The following ARHGAP26 variants were observed in gnomAD, a reference collection of about 807,000 sequenced individuals.
The protein encoded by ARHGAP26 is rho GTPase-activating protein 26.
In ARHGAP26, 38 loss-of-function variants were observed where a neutral mutation model predicts 104.8. That is an observed-to-expected ratio of 0.36 (90% CI 0.28 to 0.48). The LOEUF is 0.48. Ranked by LOEUF, ARHGAP26 falls within the 20% of genes least tolerant of loss-of-function variation. The pLI, the probability that ARHGAP26 is intolerant of heterozygous loss-of-function variation, is 0.99. For synonymous variants in ARHGAP26, 341 were observed against 340.0 expected (o/e 1.00, Z -0.03); for missense variants, 704 against 947.9 (o/e 0.74, Z 3.38).
At chr5:143,207,999 G>A (rs186026656) in intron 21 of ARHGAP26, among the ~76,000 whole-genome samples, 3 of 152,106 alleles carry the variant, frequency 2.0e-5, no homozygotes, top group Non-Finnish European at 2.9e-5. Flanking sequence ...ATATACTCCC[G>A]AAACCATCCA....
At chr5:142,888,531 A>AG (rs1248657377) in intron 5 of ARHGAP26, among the ~76,000 whole-genome samples, 1 of 152,216 alleles carries the variant, frequency 6.6e-6, no homozygotes, top group East Asian at 1.9e-4. Flanking sequence ...AACATTGTTG[A>AG]GCACGTGGTA....
intron 17 of ARHGAP26, among the ~76,000 whole-genome samples, chr5:143,090,075 C>T (rs1791184972): frequency 6.6e-6 from 1 of 152,274 alleles, no homozygotes; most frequent in African/African-American, 2.4e-5. Flanking sequence ...CCTTTCAGGT[C>T]TCCAAGGAAC....
chr5:143,155,868 G>T (rs141719534), intron 20 of ARHGAP26, among the ~76,000 whole-genome samples: 3 of 152,296 alleles, frequency 2.0e-5, no homozygotes, highest in Non-Finnish European at 4.4e-5. Flanking sequence ...GACATACACA[G>T]TACATGCTTA....
chr5:142,906,580 C>A (rs1002476013), intron 8 of ARHGAP26, among the ~76,000 whole-genome samples: 1 of 152,164 alleles, frequency 6.6e-6, no homozygotes, highest in African/African-American at 2.4e-5. Flanking sequence ...TTATGGGTTC[C>A]TCTTTTGTTC....
Position 143,142,134 on chromosome 5 carries a change from C to CTTTTTTTTTTTTTT in ARHGAP26, c.1838-5088_1838-5075dup, listed in dbSNP as rs762332039. ...AACAACAGATTGACTCTACTTTTCA[C>CTTTTTTTTTTTTTT]TTTTTTTTTTTTTTTTTTTTTTGAG... On this transcript the variant is annotated intron_variant, in intron 19 of 22. Coordinates refer to ENST00000645722, the MANE Select transcript of ARHGAP26 (RefSeq NM_001135608.3). Among the ~76,000 whole-genome samples the CTTTTTTTTTTTTTT allele has an allele frequency of 2.8e-5, 3 of 105,348 alleles. 1 individual carries two copies. The allele number at this position is 105,348 out of a possible 152,430, so 69.1% of individuals were successfully genotyped here.
intron 20 of ARHGAP26, chr5:143,165,570 A>C (rs1801820620): frequency 1.3e-5 from 2 of 152,246 alleles, no homozygotes; most frequent in African/African-American, 2.4e-5. Context: ...TTCCTTTTTA[A>C]AATTTATTTT....
chr5:142,970,401 G>A (rs1772086548), intron 11 of ARHGAP26, among the ~76,000 whole-genome samples: 1 of 152,184 alleles, frequency 6.6e-6, no homozygotes, highest in Non-Finnish European at 1.5e-5. Flanking sequence ...TCCAGAAGTA[G>A]CCTTTGACTC....
rs535440572 is a variant in ARHGAP26, at chr5:142,827,159, C to T, written c.155-46241C>T. ...CCCTATTTTTTTTCTAATGAAAAGC[C>T]GGAAGTTGCTTGGTGAGACCTGAGG... On this transcript the variant is annotated intron_variant, in intron 1 of 22. Coordinates refer to ENST00000645722, the MANE Select transcript of ARHGAP26 (RefSeq NM_001135608.3). Among the ~76,000 whole-genome samples, 16 of 151,714 alleles carry T rather than the reference C, an allele frequency of 1.1e-4. No homozygotes were observed. In the East Asian group the frequency reaches 2.1e-3, roughly 20 times the overall value.
chr5:143,008,630 A>G (rs11167797), intron 11 of ARHGAP26, among the ~76,000 whole-genome samples: 87,137 of 152,096 alleles, frequency 0.57, 28,640 homozygotes, highest in Non-Finnish European at 0.75. Flanking sequence ...TTCCTTATGA[A>G]CCTATTTCCC....
At chr5:142,877,504 G>A (rs1173274684) in intron 3 of ARHGAP26, among the ~76,000 whole-genome samples, 1 of 152,092 alleles carries the variant, frequency 6.6e-6, no homozygotes, top group Non-Finnish European at 1.5e-5. Context: ...TTACACAGTC[G>A]TAGAATCTTA....
At chr5:142,822,086 A>G (rs1766306408) in intron 1 of ARHGAP26, among the ~76,000 whole-genome samples, 1 of 152,236 alleles carries the variant, frequency 6.6e-6, no homozygotes. Context: ...AAATGATTGC[A>G]CTGGCTTCTC....
intron 11 of ARHGAP26, among the ~76,000 whole-genome samples, chr5:142,968,185 A>G (rs895708576): frequency 6.6e-6 from 1 of 152,088 alleles, no homozygotes; most frequent in Non-Finnish European, 1.5e-5. Flanking sequence ...TATTTCCCTC[A>G]GTTTACAGTT....
chr5:143,218,031 G>A (rs1810595126), intron 22 of ARHGAP26, among the ~76,000 whole-genome samples: 1 of 152,120 alleles, frequency 6.6e-6, no homozygotes, highest in South Asian at 2.1e-4. Context: ...CTCAAGTAAG[G>A]TCAGCAAACT....
At chr5:143,111,247 G>A (rs1794740438) in intron 17 of ARHGAP26, among the ~76,000 whole-genome samples, 1 of 152,226 alleles carries the variant, frequency 6.6e-6, no homozygotes, top group Non-Finnish European at 1.5e-5. Context: ...GTTAGGCCAT[G>A]TAGAAAAGAA....
intron 11 of ARHGAP26, among the ~76,000 whole-genome samples, chr5:142,956,242 T>A (rs1769209758): frequency 6.6e-6 from 1 of 152,096 alleles, no homozygotes; most frequent in Non-Finnish European, 1.5e-5. Context: ...TTTTAGGACA[T>A]CTTGTCTGTG....
At chr5:143,020,954 T>C (rs1174655200) in intron 12 of ARHGAP26, among the ~76,000 whole-genome samples, 2 of 152,190 alleles carry the variant, frequency 1.3e-5, no homozygotes, top group African/African-American at 4.8e-5. Flanking sequence ...CTAGTGCTTT[T>C]ATAAGAATCC....
rs143937347 is a variant in ARHGAP26, at chr5:143,207,732, A to G, written c.2099+424A>G. ...TGGTTTTGATGGCTCTCTCAATTTC[A>G]TGTGCTCTCTGCACTTTGGTGTAAG... is the stretch of plus-strand genomic sequence containing the variant. On this transcript the variant is annotated intron_variant, in intron 21 of 22. Coordinates refer to ENST00000645722, the MANE Select transcript of ARHGAP26 (RefSeq NM_001135608.3). Among the ~76,000 whole-genome samples, 998 of 152,296 alleles carry G rather than the reference A, an allele frequency of 6.6e-3. 10 individuals carry two copies. The highest frequency in any genetic ancestry group is 0.023 in the African/African-American group (971 of 41,564).
intron 11 of ARHGAP26, among the ~76,000 whole-genome samples, chr5:142,969,782 A>C (rs921936554): frequency 7.9e-5 from 12 of 152,108 alleles, no homozygotes; most frequent in African/African-American, 2.7e-4. Context: ...CGGCCCCTGA[A>C]GATGAGGAGT....
chr5:143,130,954 A>C (rs1312431660), intron 18 of ARHGAP26, among the ~76,000 whole-genome samples: 1 of 152,246 alleles, frequency 6.6e-6, no homozygotes, highest in African/African-American at 2.4e-5. Context: ...CTTGCACATT[A>C]TCTCATTTGA....
Sources: gnomAD v4.1 joint callset for allele counts (sites outside exome capture counted in the v4.1 genomes callset) on GRCh38, gnomAD v4.1.1 for gene constraint, MANE v1.5 for transcripts, NCBI Gene and HGNC (gene_info 2026-07-23, HGNC 2026-07-21) for gene names.